Variants in NKAIN2 observed in about 807,000 individuals in gnomAD.
NKAIN2 encodes the protein sodium/potassium transporting ATPase interacting 2, also known as sodium/potassium-transporting ATPase subunit beta-1-interacting protein 2.
In NKAIN2, 14 loss-of-function variants were observed where a neutral mutation model predicts 32.6. The observed-to-expected ratio is 0.43, with a 90% confidence interval of 0.28 to 0.67. The LOEUF (loss-of-function observed/expected upper bound fraction) is 0.67, where lower values mean the gene tolerates loss of function less well. Ranked by LOEUF, NKAIN2 falls within the 30% of genes least tolerant of loss-of-function variation. NKAIN2 has a pLI of 0.17. For synonymous variants in NKAIN2, 80 were observed against 87.2 expected, an observed-to-expected ratio of 0.92 and a Z score of 0.46; for missense variants, 198 against 258.3, an observed-to-expected ratio of 0.77 and a Z score of 1.60.
At chr6:123,831,544 G>T (rs1774377637) in intron 1 of NKAIN2, among the ~76,000 whole-genome samples, 1 of 149,896 alleles carries the variant, frequency 6.7e-6, no homozygotes, top group African/African-American at 2.5e-5. Context: ...TTTTACAGCA[G>T]TTTTAGGTTA....
chr6:123,886,028 A>C (rs1460480537), intron 1 of NKAIN2, among the ~76,000 whole-genome samples: 3 of 151,934 alleles, frequency 2.0e-5, no homozygotes, highest in African/African-American at 7.2e-5. Context: ...ATGGTTAATA[A>C]ACAGATGAAA....
At chr6:124,815,300 G>A (rs1285057160) in intron 5 of NKAIN2, among the ~76,000 whole-genome samples, 1 of 142,206 alleles carries the variant, frequency 7.0e-6, no homozygotes, top group Non-Finnish European at 1.6e-5. Flanking sequence ...TTGAGACGGA[G>A]TTTCCCTCCT....
chr6:124,166,475 C>G (rs1294513100), intron 1 of NKAIN2, among the ~76,000 whole-genome samples: 1 of 150,360 alleles, frequency 6.7e-6, no homozygotes, highest in East Asian at 2.0e-4. Context: ...GTTGCCTGTT[C>G]ACTCTGATGG....
At chr6:123,807,111 A>G (rs1413177601) in intron 1 of NKAIN2, among the ~76,000 whole-genome samples, 1 of 152,084 alleles carries the variant, frequency 6.6e-6, no homozygotes, top group East Asian at 1.9e-4. Flanking sequence ...TTAAATATAC[A>G]TTTAATTTAA....
At chr6:124,673,970 T>C (rs1773231756) in intron 4 of NKAIN2, among the ~76,000 whole-genome samples, 1 of 151,970 alleles carries the variant, frequency 6.6e-6, no homozygotes, top group Non-Finnish European at 1.5e-5. Context: ...TGCTATGAAG[T>C]TTTCCACCTA....
intron 1 of NKAIN2, among the ~76,000 whole-genome samples, chr6:123,842,699 C>A (rs1482994269): frequency 3.3e-5 from 5 of 151,666 alleles, no homozygotes; most frequent in Non-Finnish European, 7.4e-5. Flanking sequence ...AATTTAACGT[C>A]CACTTAGAGG....
At chr6:124,247,495 C>T (rs147196358) in intron 1 of NKAIN2, among the ~76,000 whole-genome samples, 94 of 152,072 alleles carry the variant, frequency 6.2e-4, no homozygotes, top group African/African-American at 2.0e-3. Context: ...GGATCAAGTC[C>T]TCAGATCTAT....
chr6:124,567,795 C>CT (rs1010375220), intron 3 of NKAIN2, among the ~76,000 whole-genome samples: 1 of 151,974 alleles, frequency 6.6e-6, no homozygotes, highest in Non-Finnish European at 1.5e-5. Flanking sequence ...ATATACTTCT[C>CT]TTTTTTTTAA....
intron 2 of NKAIN2, among the ~76,000 whole-genome samples, chr6:124,342,754 T>C (rs979525384): frequency 6.6e-6 from 1 of 151,674 alleles, no homozygotes; most frequent in Non-Finnish European, 1.5e-5. Context: ...ATTTGCCCAC[T>C]TCAGCCTCCA....
At chr6:123,869,514 G>A (rs569926801) in intron 1 of NKAIN2, among the ~76,000 whole-genome samples, 7 of 151,770 alleles carry the variant, frequency 4.6e-5, no homozygotes, top group African/African-American at 1.7e-4. Context: ...TTTGTTCACA[G>A]AAAAAATAAG....
At chr6:124,706,791 T>C (rs1455024524) in intron 4 of NKAIN2, among the ~76,000 whole-genome samples, 1 of 152,118 alleles carries the variant, frequency 6.6e-6, no homozygotes, top group African/African-American at 2.4e-5. Flanking sequence ...TAAAATAAAA[T>C]AAAACAGACT....
intron 1 of NKAIN2, among the ~76,000 whole-genome samples, chr6:123,821,825 TAAG>T (rs1773935953): frequency 6.6e-6 from 1 of 152,200 alleles, no homozygotes; most frequent in Non-Finnish European, 1.5e-5. Flanking sequence ...TTTTAGAATC[TAAG>T]AAGATGTCAA....
intron 3 of NKAIN2, among the ~76,000 whole-genome samples, chr6:124,583,651 T>C (rs1781604706): frequency 6.6e-6 from 1 of 152,116 alleles, no homozygotes; most frequent in Non-Finnish European, 1.5e-5. Context: ...AGACATATGG[T>C]ATATGGAACC....
At chr6:124,624,140 A>T (rs1206875263) in intron 3 of NKAIN2, among the ~76,000 whole-genome samples, 2 of 152,136 alleles carry the variant, frequency 1.3e-5, no homozygotes, top group African/African-American at 4.8e-5. Flanking sequence ...GCTTCCTGGG[A>T]CCCTTATGTT....
At chr6:124,412,191 C>T (rs775613259) in intron 3 of NKAIN2, among the ~76,000 whole-genome samples, 2 of 152,186 alleles carry the variant, frequency 1.3e-5, no homozygotes, top group Non-Finnish European at 2.9e-5. Flanking sequence ...CAAAGTCAGT[C>T]TCCGTCCAGC....
chr6:124,592,946 C>T (rs920752872), intron 3 of NKAIN2, among the ~76,000 whole-genome samples: 1 of 152,140 alleles, frequency 6.6e-6, no homozygotes, highest in African/African-American at 2.4e-5. Context: ...CAAGTCTCTC[C>T]AAACCTCTCT....
chr6:124,551,631 G>C (rs1435772182), intron 3 of NKAIN2, among the ~76,000 whole-genome samples: 1 of 152,088 alleles, frequency 6.6e-6, no homozygotes, highest in African/African-American at 2.4e-5. Flanking sequence ...AAGCTTAAGG[G>C]GTCAAAGTGA....
chr6:123,993,829 A>G (rs906617882), intron 1 of NKAIN2, among the ~76,000 whole-genome samples: 1 of 152,208 alleles, frequency 6.6e-6, no homozygotes, highest in African/African-American at 2.4e-5. Context: ...AGTAGCTTTT[A>G]TGATATTTCT....
At chr6:124,170,078 G>A (rs889370719) in intron 1 of NKAIN2, among the ~76,000 whole-genome samples, 1 of 152,128 alleles carries the variant, frequency 6.6e-6, no homozygotes, top group African/African-American at 2.4e-5. Flanking sequence ...TCTGAGTTCA[G>A]CCTTCTTTTC....
Sources: gnomAD v4.1 joint callset for allele counts (sites outside exome capture counted in the v4.1 genomes callset) on GRCh38, gnomAD v4.1.1 for gene constraint, MANE v1.5 for transcripts, NCBI Gene and HGNC (gene_info 2026-07-23, HGNC 2026-07-21) for gene names.